Variants in ARHGAP30 observed in about 807,000 individuals in gnomAD.
ARHGAP30 encodes the protein rho GTPase-activating protein 30.
In ARHGAP30, 23 loss-of-function variants were observed where a neutral mutation model predicts 72.0. That is an observed-to-expected ratio of 0.32 (90% CI 0.23 to 0.45). The LOEUF (loss-of-function observed/expected upper bound fraction) is 0.45. ARHGAP30 is among the 20% of genes least tolerant of loss of function. The pLI, the probability that ARHGAP30 is intolerant of heterozygous loss-of-function variation, is 1.00. For synonymous variants in ARHGAP30, 576 were observed against 528.2 expected (o/e 1.09, Z -1.24); for missense variants, 1,319 against 1,383.4 (o/e 0.95, Z 0.74).
rs761597646 is a variant in ARHGAP30, at chr1:161,048,389, C to T, written c.2632G>A (p.Gly878Ser). Residue 878 changes from glycine to serine, a missense_variant, in exon 12 of 12, where the codon GGC becomes AGC. Physicochemically the swap from Gly to Ser is moderately conservative, Grantham distance 56. This residue lies in a region of ARHGAP30 where 1,097 missense variants were observed against 1,045.2 expected (regional missense o/e 1.05). Transcript: ENST00000368013. ...ASLEVDCAKE[G>S]NPHSSEMEEV... ...TCCATCTCAGAAGAGTGAGGATTGC[C>T]CTCTTTGGCACAGTCAACCTCCAGG... 3.7e-6 allele frequency: 6 copies of T among 1,614,128 alleles called. No homozygotes were observed. The South Asian group carries it at 6.6e-5, about 18-fold the overall frequency.
rs755329357 is a variant in ARHGAP30, at chr1:161,048,318, C to G, written c.2703G>C (p.Glu901Asp). Residue 901 changes from glutamate to aspartate, a missense_variant, in exon 12 of 12, where the codon GAG becomes GAC. This residue lies in a region of ARHGAP30 where 1,097 missense variants were observed against 1,045.2 expected (regional missense o/e 1.05). Transcript: ENST00000368013. Reference sequence around the variant, plus strand: ...GACAGCCGTCTGGACTGGGCTGCCCCTCAGGCTCCATCTCCTCTGGCTGAG... The same window carrying G: ...GACAGCCGTCTGGACTGGGCTGCCCGTCAGGCTCCATCTCCTCTGGCTGAG... ...QPPQPEEMEP[E>D]GQPSPDGCLC... The G allele has an allele frequency of 2.9e-5, 47 of 1,614,198 alleles. No homozygotes were observed. The South Asian group carries it at 4.8e-4, about 17-fold the overall frequency.
rs976618648 is a variant in ARHGAP30, at chr1:161,060,117, C to CA, written c.98-402dup. ...GTAACATGCTGAAACTCTGTCTCTA[C>CA]AAAAAATACAAACACAAATGGGGTG... On this transcript the variant is annotated intron_variant, in intron 1 of 11. Coordinates refer to ENST00000368013, the MANE Select transcript of ARHGAP30 (RefSeq NM_001025598.2). The CA allele has an allele frequency of 6.8e-5, 26 of 380,114 alleles. 1 individual carries two copies. Among genetic ancestry groups the CA allele is most frequent in the African/African-American group, 4.0e-4 (19 of 47,078 alleles). The allele number at this position is 380,114 out of a possible 1,614,324, so 23.5% of individuals were successfully genotyped here. A position where few individuals can be genotyped will look rare whatever the true frequency, so the allele number is the denominator to read the frequency against.
chr1:161,052,376 G>T lies in ARHGAP30; in HGVS notation c.941-13C>A, dbSNP rs1651469229. The T allele has an allele frequency of 1.2e-6, 2 of 1,614,064 alleles. No homozygotes were observed. The highest frequency in any genetic ancestry group is 4.5e-5 in the East Asian group (2 of 44,864). ...TTGGATTTATCCTCTGTAAGACAGG[G>T]ATGTGTGTAGAGCCAGGGCCTTGTG... On this transcript the variant is annotated splice_polypyrimidine_tract_variant and intron_variant, in intron 8 of 11. Coordinates refer to ENST00000368013, the MANE Select transcript of ARHGAP30 (RefSeq NM_001025598.2).
Position 161,049,117 on chromosome 1 carries a change from C to G in ARHGAP30, c.1904G>C (p.Gly635Ala). 1 of 1,614,186 alleles carries G rather than the reference C, an allele frequency of 6.2e-7. No homozygotes were observed. The highest frequency in any genetic ancestry group is 8.5e-7 in the Non-Finnish European group (1 of 1,180,014). Residue 635 changes from glycine to alanine, a missense_variant, in exon 12 of 12, where the codon GGA becomes GCA. Around this residue, in one of 2 missense-constraint regions of ARHGAP30, gnomAD observed 1,097 missense variants for 1,045.2 expected, o/e 1.05. Coordinates refer to ENST00000368013, the MANE Select transcript of ARHGAP30 (RefSeq NM_001025598.2). ...PIWKGSGSLE[G>A]EAAGCGRQAL... ...CTGCCTTCCACATCCTGCTGCCTCT[C>G]CCTCCAGACTCCCTGAACCCTTCCA...
chr1:161,061,641 A>C (rs1652318922), intron 1 of ARHGAP30, among the ~76,000 whole-genome samples: 1 of 152,236 alleles, frequency 6.6e-6, no homozygotes, highest in Non-Finnish European at 1.5e-5. Context: ...AGCTAGAGCC[A>C]TGACTCAAAT....
Position 161,054,613 on chromosome 1 carries a change from T to G in ARHGAP30, c.428+10A>C. The G allele has an allele frequency of 1.2e-6, 2 of 1,613,334 alleles. No individual in the cohort carries two copies. The highest frequency in any genetic ancestry group is 1.7e-6 in the Non-Finnish European group (2 of 1,179,446). On this transcript the variant is annotated intron_variant, in intron 4 of 11. Coordinates refer to ENST00000368013, the MANE Select transcript of ARHGAP30 (RefSeq NM_001025598.2). ...CTCAGGTTGCTGGGCAGATATGGAG[T>G]GTCACATACCTGTAGTTTGGGACAG...
chr1:161,053,490 C>T (rs1164746798), intron 5 of ARHGAP30, 105 bp from the exon 6 acceptor site: 17 of 929,004 alleles, frequency 1.8e-5, no homozygotes, highest in Non-Finnish European at 2.3e-5. Flanking sequence ...CTCTCTCTCT[C>T]TCTCTCTCTC....
chr1:161,052,763 T>C lies in ARHGAP30; in HGVS notation c.699A>G (p.Pro233=). 1 of 1,611,752 alleles carries C rather than the reference T, an allele frequency of 6.2e-7. No homozygotes were observed. Among genetic ancestry groups the C allele is most frequent in the Non-Finnish European group, 8.5e-7 (1 of 1,179,924 alleles). Residue 233 remains proline, a synonymous_variant, in exon 7 of 12, where the codon CCA becomes CCG. Coordinates refer to ENST00000368013, the MANE Select transcript of ARHGAP30 (RefSeq NM_001025598.2). ...GEVESGWRSL[P]GTRASGSPED... ...CGGGGCTGCCTGATGCCCGGGTCCCTGGAAGCGATCGCCACCCACTCTCCA... is the reference window on the plus strand; with the variant it reads ...CGGGGCTGCCTGATGCCCGGGTCCCCGGAAGCGATCGCCACCCACTCTCCA...
In ARHGAP30 at chr1:161,056,485, T is replaced by C. The variant is rs1571097467; in HGVS notation, c.248A>G (p.Tyr83Cys). ...GGAGACGCAGTGAATGTCTTGGAGG[T>C]AAACATCCCGACGCAGGTCTGGCTT... ...ERKPDLRRDV[Y>C]LQDIHCVSSL... is the part of the protein sequence containing the mutation. The change falls in exon 3 of 12, where the codon TAC becomes TGC. Residue 83 changes from tyrosine to cysteine, a missense_variant. This residue lies in a region of ARHGAP30 where 222 missense variants were observed against 338.2 expected (regional missense o/e 0.66). Transcript: ENST00000368013. The C allele has an allele frequency of 6.2e-7, 1 of 1,613,896 alleles. No homozygotes were observed. Among genetic ancestry groups the C allele is most frequent in the East Asian group, 2.2e-5 (1 of 44,880 alleles).
intron 10 of ARHGAP30, among the ~76,000 whole-genome samples, chr1:161,051,044 C>T (rs1008992562): frequency 6.6e-6 from 1 of 152,240 alleles, no homozygotes; most frequent in Non-Finnish European, 1.5e-5. Flanking sequence ...CCTTAGTAAT[C>T]CCTGCTGTAT....
At chr1:161,060,552 C>T (rs1373061970) in intron 1 of ARHGAP30, among the ~76,000 whole-genome samples, 4 of 141,892 alleles carry the variant, frequency 2.8e-5, no homozygotes, top group Non-Finnish European at 4.5e-5. Flanking sequence ...GCTGAGATCA[C>T]GCCACTGCAC....
In ARHGAP30 at chr1:161,060,764, C is replaced by T. The variant is rs547353794; in HGVS notation, c.98-1048G>A. Among the ~76,000 whole-genome samples the T allele has an allele frequency of 7.6e-4, 106 of 140,254 alleles. 1 individual carries two copies. Among genetic ancestry groups the T allele is most frequent in the Admixed American group, 2.6e-3 (35 of 13,266 alleles). 92.0% of individuals were successfully genotyped at this position (140,254 alleles called of 152,430 possible). Reference sequence around the variant, plus strand: ...TTGCCCAGGCTGGAGTGCAGTGGCGCGATCTTTCCTTACTGCAACCTCCGC... The same window carrying T: ...TTGCCCAGGCTGGAGTGCAGTGGCGTGATCTTTCCTTACTGCAACCTCCGC... On this transcript the variant is annotated intron_variant, in intron 1 of 11. Transcript: ENST00000368013.
chr1:161,048,217 C>G lies in ARHGAP30; in HGVS notation c.2804G>C (p.Arg935Pro), dbSNP rs367826999. The change falls in exon 12 of 12, where the codon CGC becomes CCC. Residue 935 changes from arginine (R) to proline (P), a missense_variant. By Grantham distance (103) the Arg-to-Pro change is moderately radical (BLOSUM62 -2). Coordinates refer to ENST00000368013, the MANE Select transcript of ARHGAP30 (RefSeq NM_001025598.2). The part of the protein sequence containing the change: ...ASTLVQVQQV[R>P]SVPVVPPKPQ... Reference sequence around the variant, plus strand: ...CTTGGGGGGCACCACAGGCACAGAGCGGACCTGTTGGACCTGAACCAGAGT... The same window carrying G: ...CTTGGGGGGCACCACAGGCACAGAGGGGACCTGTTGGACCTGAACCAGAGT... 1 of 1,614,150 alleles carries G rather than the reference C, an allele frequency of 6.2e-7. No homozygotes were observed.
In ARHGAP30 at chr1:161,055,884, A is replaced by T. The variant is rs867578428; in HGVS notation, c.345+504T>A. Among the ~76,000 whole-genome samples the T allele has an allele frequency of 5.7e-4, 19 of 33,558 alleles. 1 individual carries two copies. The highest frequency in any genetic ancestry group is 1.3e-3 in the African/African-American group (17 of 12,596). 22.0% of individuals were successfully genotyped at this position (33,558 alleles called of 152,430 possible). On this transcript the variant is annotated intron_variant, in intron 3 of 11. Coordinates refer to ENST00000368013, the MANE Select transcript of ARHGAP30 (RefSeq NM_001025598.2). ...ATAAAATAAAATAAAATAAAATAAA[A>T]ATAAATAAAATAAAATAAAATAAAA...
Position 161,064,779 on chromosome 1 carries a change from A to G in ARHGAP30, c.97+4749T>C, listed in dbSNP as rs775948563. 6.1e-3 allele frequency among the ~76,000 whole-genome samples: 601 copies of G among 98,104 alleles called. 10 individuals are homozygous for G. Among genetic ancestry groups the G allele is most frequent in the South Asian group, 0.037 (108 of 2,914 alleles). The allele number at this position is 98,104 out of a possible 152,430, so 64.4% of individuals were successfully genotyped here. A position where few individuals can be genotyped will look rare whatever the true frequency, so the allele number is the denominator to read the frequency against. On this transcript the variant is annotated intron_variant, in intron 1 of 11. Transcript: ENST00000368013. ...AGAAAGAGAAAGAAAGAAAGAAAGA[A>G]AAAGAAAGAAAGAAAGAAAGAAAGA... is the stretch of plus-strand genomic sequence containing the variant.
At chr1:161,061,323 G>A (rs922693927) in intron 1 of ARHGAP30, among the ~76,000 whole-genome samples, 4 of 151,508 alleles carry the variant, frequency 2.6e-5, no homozygotes, top group Non-Finnish European at 5.9e-5. Context: ...GCGCCACCAC[G>A]CCCAGCTAAT....
At chr1:161,056,922 C>A (rs1396634908) in intron 2 of ARHGAP30, among the ~76,000 whole-genome samples, 2 of 151,942 alleles carry the variant, frequency 1.3e-5, no homozygotes, top group African/African-American at 4.8e-5. Flanking sequence ...ATCTTTATGT[C>A]CTAGGATTAG....
rs1651065744 is a variant in ARHGAP30 at position 161,048,563 on chromosome 1, T to A, written c.2458A>T (p.Ser820Cys). The change falls in exon 12 of 12, where the codon AGC (serine) becomes TGC (cysteine). Residue 820 changes from serine to cysteine, a missense_variant. Around this residue, in one of 2 missense-constraint regions of ARHGAP30, gnomAD observed 1,097 missense variants for 1,045.2 expected, o/e 1.05. Coordinates refer to ENST00000368013, the MANE Select transcript of ARHGAP30 (RefSeq NM_001025598.2). ...TCAGTTGCTGCTTCTGGGCTTCTGC[T>A]GTCTTCACCATCTCCTTGGTCTTTT... ...ARKDQGDGED[S>C]RSPEAATEGG... The A allele has an allele frequency of 6.2e-7, 1 of 1,614,022 alleles. No homozygotes were observed. Among genetic ancestry groups the A allele is most frequent in the African/African-American group, 1.3e-5 (1 of 74,912 alleles).
In ARHGAP30 at chr1:161,047,056, T is replaced by C. The variant is rs911344141; in HGVS notation, c.*659A>G. Reference sequence around the variant, plus strand: ...GGGCCTGAGTGACACCATTTCCCTTTCCTGAAATAGGAACAAGTTATTCCA... The same window carrying C: ...GGGCCTGAGTGACACCATTTCCCTTCCCTGAAATAGGAACAAGTTATTCCA... On this transcript the variant is annotated 3_prime_UTR_variant, in exon 12 of 12. Coordinates refer to ENST00000368013, the MANE Select transcript of ARHGAP30 (RefSeq NM_001025598.2). 4 of 454,076 alleles carry C rather than the reference T, an allele frequency of 8.8e-6. No individual in the cohort carries two copies. Among genetic ancestry groups the C allele is most frequent in the South Asian group, 1.6e-5 (1 of 61,534 alleles). The allele number at this position is 454,076 out of a possible 1,614,324, so 28.1% of individuals were successfully genotyped here.
Sources: allele counts gnomAD v4.1 joint callset (sites outside exome capture counted in the v4.1 genomes callset), GRCh38; gene constraint gnomAD v4.1.1; regional missense constraint gnomAD v4.1.1; transcripts MANE v1.5; gene names NCBI Gene and HGNC (gene_info 2026-07-23, HGNC 2026-07-21).